GLRB: variants seen among roughly 807,000 people sequenced by gnomAD.
GLRB encodes glycine receptor subunit beta.
In GLRB, 33 loss-of-function variants were observed where a neutral mutation model predicts 54.2. The observed-to-expected ratio is 0.61, with a 90% CI of 0.46 to 0.81. The LOEUF is 0.81. GLRB is among the 40% of genes least tolerant of loss of function. GLRB has a pLI of 0.00. For synonymous variants in GLRB, 209 were observed against 208.2 expected, an observed-to-expected ratio of 1.00 and a Z score of -0.03; for missense variants, 572 against 584.6, an observed-to-expected ratio of 0.98 and a Z score of 0.22.
At chr4:157,165,812 C>T (rs1737684909) in intron 9 of GLRB, among the ~76,000 whole-genome samples, 1 of 151,678 alleles carries the variant, frequency 6.6e-6, no homozygotes, top group South Asian at 2.1e-4. Flanking sequence ...GAATAAAAGA[C>T]AAAGAAAATA....
rs189076954 is a variant in GLRB, at chr4:157,110,079, G to C, written c.123-10477G>C. Among the ~76,000 whole-genome samples the C allele has an allele frequency of 2.1e-3, 321 of 151,982 alleles. 3 individuals are homozygous for C. The highest frequency in any genetic ancestry group is 4.6e-3 in the South Asian group (22 of 4,818). On this transcript the variant is annotated intron_variant, in intron 2 of 9. Coordinates refer to ENST00000264428, the MANE Select transcript of GLRB (RefSeq NM_000824.5). ...CCTTTCTCCCCTCCCTGAAGGTTGC[G>C]GGGTGGGAATAAGGCTGAAAGTCCC...
At chr4:157,131,707 C>A (rs2126555535) in intron 4 of GLRB, among the ~76,000 whole-genome samples, 1 of 151,888 alleles carries the variant, frequency 6.6e-6, no homozygotes, top group Middle Eastern at 3.4e-3. Context: ...TAGCTTCTTT[C>A]ACTTAATGAT....
chr4:157,140,647 G>A (rs1736573811), intron 7 of GLRB, among the ~76,000 whole-genome samples: 1 of 151,878 alleles, frequency 6.6e-6, no homozygotes, highest in Admixed American at 6.6e-5. Flanking sequence ...TAATGAAATA[G>A]ACCCTTGCCC....
intron 1 of GLRB, among the ~76,000 whole-genome samples, chr4:157,077,106 T>C (rs1734067054): frequency 6.6e-6 from 1 of 151,910 alleles, no homozygotes; most frequent in Non-Finnish European, 1.5e-5. Flanking sequence ...AGAAACAATT[T>C]ATGGTTTGGA....
intron 2 of GLRB, among the ~76,000 whole-genome samples, chr4:157,107,751 A>G (rs1487143052): frequency 1.3e-5 from 2 of 152,114 alleles, no homozygotes; most frequent in Admixed American, 1.3e-4. Context: ...TCTAGCTAAG[A>G]TCTTTGATGA....
chr4:157,138,878 C>G lies in GLRB; in HGVS notation c.680C>G (p.Ala227Gly), dbSNP rs773896806. 6.5e-7 allele frequency: 1 copy of G among 1,530,140 alleles called. No homozygotes were observed. Among genetic ancestry groups the G allele is most frequent in the Admixed American group, 1.7e-5 (1 of 59,874 alleles). The allele number at this position is 1,530,140 out of a possible 1,614,324, so 94.8% of individuals were successfully genotyped here. ...SGDPVQLEKI[A>G]LPQFDIKKED... ...GATCCTGTGCAATTAGAAAAAATTGCCTTGCCTCAATTTGATATCAAAAAG... is the reference window on the plus strand; with the variant it reads ...GATCCTGTGCAATTAGAAAAAATTGGCTTGCCTCAATTTGATATCAAAAAG... Residue 227 changes from alanine to glycine, a missense_variant, in exon 7 of 10, where the codon GCC becomes GGC. Transcript: ENST00000264428.
Position 157,171,995 on chromosome 4 carries a change from G to C in GLRB, c.*1267G>C, listed in dbSNP as rs937156964. The C allele has an allele frequency of 1.3e-5, 2 of 151,668 alleles. No homozygotes were observed. Among genetic ancestry groups the C allele is most frequent in the African/African-American group, 2.4e-5 (1 of 41,360 alleles). The allele number at this position is 151,668 out of a possible 1,614,324, so 9.4% of individuals were successfully genotyped here. On this transcript the variant is annotated 3_prime_UTR_variant, in exon 10 of 10. Transcript: ENST00000264428. ...CAGTAATTCACATAGATAAACATAA[G>C]ACTAAAGAAGTATATTTACATTATC...
rs1736970835 is a variant in GLRB, at chr4:157,150,282, G to A, written c.905-2436G>A. On this transcript the variant is annotated intron_variant, in intron 8 of 9. Coordinates refer to ENST00000264428, the MANE Select transcript of GLRB (RefSeq NM_000824.5). ...TAATAGGTGTTTTCTATTATAATAC[G>A]ATTTTCCAAAGATAAGGCACATAGT... 3.3e-5 allele frequency among the ~76,000 whole-genome samples: 5 copies of A among 152,046 alleles called. 1 individual carries two copies. The Middle Eastern group carries it at 0.01, about 310-fold the overall frequency.
intron 2 of GLRB, among the ~76,000 whole-genome samples, chr4:157,119,854 G>A (rs7665527): frequency 1 from 151,069 of 151,726 alleles, 75,207 homozygotes; most frequent in Middle Eastern, 1. Context: ...AACTAGAAAT[G>A]CCATTTGACC....
intron 9 of GLRB, among the ~76,000 whole-genome samples, chr4:157,154,980 G>T (rs891046781): frequency 6.6e-6 from 1 of 152,108 alleles, no homozygotes; most frequent in Admixed American, 6.6e-5. Flanking sequence ...CATACATTTA[G>T]AGCCACATTA....
chr4:157,141,212 G>A (rs577988150), intron 7 of GLRB, among the ~76,000 whole-genome samples: 1 of 151,988 alleles, frequency 6.6e-6, no homozygotes, highest in East Asian at 1.9e-4. Flanking sequence ...ATTAGCTACA[G>A]AAAATAACAA....
chr4:157,120,586 A>C lies in GLRB; in HGVS notation c.153A>C (p.Val51=). 1 of 1,599,998 alleles carries C rather than the reference A, an allele frequency of 6.3e-7. No homozygotes were observed. The highest frequency in any genetic ancestry group is 8.6e-7 in the Non-Finnish European group (1 of 1,169,260). Reference sequence around the variant, plus strand: ...AGTCAGCAGAGGACCTTGCCCGAGTACCTGCCAACTCCACTAGCAATATCT... The same window carrying C: ...AGTCAGCAGAGGACCTTGCCCGAGTCCCTGCCAACTCCACTAGCAATATCT... The part of the protein sequence containing the change: ...SQQSAEDLAR[V]PANSTSNILN... Residue 51 remains valine, a synonymous_variant, in exon 3 of 10, where the codon GTA becomes GTC. Coordinates refer to ENST00000264428, the MANE Select transcript of GLRB (RefSeq NM_000824.5).
At chr4:157,124,208 C>T (rs2126538640) in intron 4 of GLRB, among the ~76,000 whole-genome samples, 1 of 151,842 alleles carries the variant, frequency 6.6e-6, no homozygotes, top group East Asian at 2.0e-4. Context: ...AATAACTTAT[C>T]CTCGGTACCA....
chr4:157,093,615 C>T lies in GLRB; in HGVS notation c.122+15469C>T, dbSNP rs145572034. The stretch of plus-strand genomic sequence containing the variant: ...ACTAAAAATACAAAAATCAGCTAGG[C>T]GTGGTGGCACATGCCTTTAGTCCCA... On this transcript the variant is annotated intron_variant, in intron 2 of 9. Coordinates refer to ENST00000264428, the MANE Select transcript of GLRB (RefSeq NM_000824.5). 5.7e-3 allele frequency among the ~76,000 whole-genome samples: 859 copies of T among 151,918 alleles called. 10 individuals are homozygous for T. The highest frequency in any genetic ancestry group is 0.019 in the African/African-American group (798 of 41,428).
intron 2 of GLRB, among the ~76,000 whole-genome samples, chr4:157,088,638 A>G (rs1032972029): frequency 3.9e-5 from 6 of 152,102 alleles, no homozygotes; most frequent in Non-Finnish European, 7.4e-5. Context: ...CTTGATTTTC[A>G]TTCTAAAGCT....
chr4:157,145,399 T>G (rs2126587252), intron 8 of GLRB, among the ~76,000 whole-genome samples: 1 of 152,290 alleles, frequency 6.6e-6, no homozygotes, highest in Admixed American at 6.5e-5. Context: ...ATGATAAAAA[T>G]ACCCAAGAAG....
intron 2 of GLRB, among the ~76,000 whole-genome samples, chr4:157,103,947 G>A (rs1474730067): frequency 6.6e-6 from 1 of 152,040 alleles, no homozygotes; most frequent in East Asian, 1.9e-4. Context: ...GTTTGTGTGT[G>A]TGTGTGTGTG....
intron 4 of GLRB, among the ~76,000 whole-genome samples, chr4:157,128,144 C>G (rs1278229847): frequency 2.0e-5 from 3 of 151,804 alleles, no homozygotes; most frequent in Non-Finnish European, 2.9e-5. Flanking sequence ...AAACCTCTCA[C>G]TCATTAAGGT....
At chr4:157,119,516 C>T (rs1033508637) in intron 2 of GLRB, among the ~76,000 whole-genome samples, 3 of 151,478 alleles carry the variant, frequency 2.0e-5, no homozygotes, top group Non-Finnish European at 3.0e-5. Context: ...GAACAAGTAA[C>T]CTGTCTGCTT....
Sources: allele counts gnomAD v4.1 joint callset (sites outside exome capture counted in the v4.1 genomes callset), GRCh38; gene constraint gnomAD v4.1.1; transcripts MANE v1.5; gene names NCBI Gene and HGNC (gene_info 2026-07-23, HGNC 2026-07-21).